CENPP: variants seen among roughly 807,000 people sequenced by gnomAD.
The protein encoded by CENPP is centromere protein P.
CENPP carries 24 observed loss-of-function variants against 35.6 expected under a neutral mutation model. The ratio of observed to expected loss-of-function variants is 0.67; its 90% CI spans 0.49 to 0.95. The LOEUF is 0.95. Ranked by LOEUF, CENPP falls within the 40% of genes least tolerant of loss-of-function variation. CENPP has a pLI of 0.00. For missense variants in CENPP, 332 were observed against 345.3 expected (o/e 0.96, Z 0.31); for synonymous variants, 120 against 125.5 (o/e 0.96, Z 0.29).
intron 5 of CENPP, among the ~76,000 whole-genome samples, chr9:92,534,111 A>T: frequency 6.6e-6 from 1 of 151,962 alleles, no homozygotes; most frequent in East Asian, 1.9e-4. Context: ...TCAAGGGTAC[A>T]TTTTTCCTCT....
chr9:92,562,734 G>A (rs986674081), intron 5 of CENPP, among the ~76,000 whole-genome samples: 18 of 152,026 alleles, frequency 1.2e-4, no homozygotes, highest in African/African-American at 3.9e-4. Flanking sequence ...CTGGGAATGG[G>A]GATTCTTTTC....
intron 5 of CENPP, among the ~76,000 whole-genome samples, chr9:92,435,378 A>G (rs1447579252): frequency 2.0e-5 from 3 of 152,170 alleles, no homozygotes; most frequent in Non-Finnish European, 4.4e-5. Flanking sequence ...ATTGAGTCAC[A>G]TGCAGTTATG....
intron 5 of CENPP, chr9:92,415,148 C>T (rs2130954769): frequency 6.3e-7 from 1 of 1,597,132 alleles, no homozygotes; most frequent in Non-Finnish European, 8.5e-7. Context: ...TATATAGTTT[C>T]TTGCTATTCT....
intron 5 of CENPP, among the ~76,000 whole-genome samples, chr9:92,453,194 G>C (rs921286103): frequency 6.6e-5 from 10 of 151,262 alleles, no homozygotes; most frequent in African/African-American, 1.7e-4. Flanking sequence ...GTGATGTTAG[G>C]GTGTCAATTT....
chr9:92,546,818 C>T (rs912700218), intron 5 of CENPP, among the ~76,000 whole-genome samples: 2 of 152,106 alleles, frequency 1.3e-5, no homozygotes, highest in African/African-American at 4.8e-5. Flanking sequence ...AAAATTGTCA[C>T]AAGAAGAATC....
At position 92,483,226 on chromosome 9, in the gene CENPP, A is replaced by AGTT. The variant is rs1353668525; in HGVS notation, c.564+103368_564+103370dup. ...TCAACTAAGACCTTCAAGAGAGGAC[A>AGTT]GTTTTCTTTTTTTTTTTTTTGAGAC... On this transcript the variant is annotated intron_variant, in intron 5 of 7. Coordinates refer to ENST00000375587, the MANE Select transcript of CENPP (RefSeq NM_001012267.3). Among the ~76,000 whole-genome samples the AGTT allele has an allele frequency of 2.0e-5, 3 of 150,944 alleles. No homozygotes were observed. In the South Asian group the frequency reaches 6.3e-4, roughly 32 times the overall value.
intron 5 of CENPP, among the ~76,000 whole-genome samples, chr9:92,493,324 A>C (rs2131125722): frequency 6.6e-6 from 1 of 152,342 alleles, no homozygotes; most frequent in South Asian, 2.1e-4. Flanking sequence ...AATTGAATCA[A>C]ATGAATCCCA....
chr9:92,474,650 G>T, intron 5 of CENPP: 1 of 1,613,420 alleles, frequency 6.2e-7, no homozygotes, highest in South Asian at 1.1e-5. Flanking sequence ...TACAACTCGT[G>T]AATAGCACTG....
chr9:92,384,578 A>T (rs753489323), intron 5 of CENPP: 3 of 152,176 alleles, frequency 2.0e-5, no homozygotes, highest in Non-Finnish European at 4.4e-5. Flanking sequence ...CAGATAGAAG[A>T]TTTAATTCTT....
At chr9:92,606,474 A>G (rs919369238) in intron 5 of CENPP, among the ~76,000 whole-genome samples, 2 of 152,228 alleles carry the variant, frequency 1.3e-5, no homozygotes, top group Non-Finnish European at 2.9e-5. Context: ...ACAGTTTGGC[A>G]ACTCCCCAAT....
chr9:92,481,267 A>G (rs331377), intron 5 of CENPP, among the ~76,000 whole-genome samples: 50,040 of 152,116 alleles, frequency 0.33, 10,272 homozygotes, highest in Non-Finnish European at 0.46. Context: ...TTCCACTACT[A>G]CACTATACTC....
intron 4 of CENPP, among the ~76,000 whole-genome samples, chr9:92,352,505 G>GTGTGTGTGTGTGTGTACATATATATATA: frequency 2.0e-5 from 1 of 49,794 alleles, no homozygotes; most frequent in African/African-American, 1.8e-4. Context: ...GTGTGTGTGT[G>GTGTGTGTGTGTGTGTACATATATATATA]TATACATATA....
chr9:92,449,805 T>C (rs1334071748), intron 5 of CENPP, among the ~76,000 whole-genome samples: 1 of 152,190 alleles, frequency 6.6e-6, no homozygotes, highest in Non-Finnish European at 1.5e-5. Flanking sequence ...TCCGCCATCA[T>C]TGGATGCTTC....
At chr9:92,516,149 C>T (rs760263673) in intron 5 of CENPP, among the ~76,000 whole-genome samples, 7 of 151,810 alleles carry the variant, frequency 4.6e-5, no homozygotes, top group African/African-American at 7.2e-5. Context: ...CTGCACCCTC[C>T]GCCTCCCGGG....
At chr9:92,505,702 A>G (rs1563973512) in intron 5 of CENPP, 1 of 1,553,220 alleles carries the variant, frequency 6.4e-7, no homozygotes, top group Non-Finnish European at 8.7e-7. Context: ...TATAAAAAAT[A>G]AAAGTATTAG....
At chr9:92,327,928 C>T (rs143572671) in intron 1 of CENPP, among the ~76,000 whole-genome samples, 4 of 152,260 alleles carry the variant, frequency 2.6e-5, no homozygotes, top group African/African-American at 7.2e-5. Context: ...CCACAGAGTC[C>T]GTTCTGCAAC....
intron 5 of CENPP, chr9:92,514,831 TCCTCCTCAC>T (rs762598771): frequency 6.2e-5 from 100 of 1,611,926 alleles, no homozygotes; most frequent in South Asian, 4.8e-4. Flanking sequence ...GTCCTCCTCA[TCCTCCTCAC>T]CCTCCTCACC....
intron 5 of CENPP, chr9:92,456,271 C>T (rs1294670392): frequency 4.0e-5 from 6 of 151,852 alleles, no homozygotes; most frequent in African/African-American, 1.5e-4. Flanking sequence ...TGTTGAATGC[C>T]AATAAGAAAT....
chr9:92,490,870 T>C (rs1192301013), intron 5 of CENPP, among the ~76,000 whole-genome samples: 2 of 152,226 alleles, frequency 1.3e-5, no homozygotes, highest in Admixed American at 1.3e-4. Flanking sequence ...CTTTTTCTGC[T>C]CAGTTTCTAA....
Sources: gnomAD v4.1 joint callset for allele counts (sites outside exome capture counted in the v4.1 genomes callset) on GRCh38, gnomAD v4.1.1 for gene constraint, MANE v1.5 for transcripts, NCBI Gene and HGNC (gene_info 2026-07-23, HGNC 2026-07-21) for gene names.